The following ZNF106 variants were observed in gnomAD, a reference collection of about 807,000 sequenced individuals.
ZNF106 encodes zinc finger protein 106.
Under a neutral mutation model 195.1 loss-of-function variants are expected in ZNF106, and 67 were observed. That is an observed-to-expected ratio of 0.34 (90% CI 0.28 to 0.42). The LOEUF is 0.42. Ranked by LOEUF, ZNF106 falls within the 10% of genes least tolerant of loss-of-function variation. ZNF106 has a pLI of 1.00. For synonymous variants in ZNF106, 784 were observed against 818.6 expected (o/e 0.96, Z 0.72); for missense variants, 2,118 against 2,304.5 (o/e 0.92, Z 1.66).
intron 3 of ZNF106, among the ~76,000 whole-genome samples, chr15:42,462,077 A>G (rs550061581): frequency 1.4e-4 from 22 of 152,336 alleles, no homozygotes; most frequent in Admixed American, 9.8e-4. Context: ...CCTCTAAAGA[A>G]AATGAGTTTG....
intron 11 of ZNF106, 111 bp from the exon 12 acceptor site, chr15:42,438,778 G>T: frequency 2.0e-6 from 2 of 978,958 alleles, no homozygotes; most frequent in South Asian, 1.6e-5. Flanking sequence ...AAGTAGCAAT[G>T]ATATAAGAGA....
Position 42,439,499 on chromosome 15 carries a change from C to T in ZNF106, c.4078G>A (p.Ala1360Thr), listed in dbSNP as rs1307325286. 1 of 1,614,004 alleles carries T rather than the reference C, an allele frequency of 6.2e-7. No individual in the cohort carries two copies. The highest frequency in any genetic ancestry group is 2.2e-5 in the East Asian group (1 of 44,898). Residue 1360 changes from alanine to threonine, a missense_variant, in exon 11 of 22, where the codon GCA becomes ACA. Ala to Thr is a moderately conservative substitution (Grantham distance 58). Transcript: ENST00000564754. ...HSPADQPEQQ[A>T]ESTLTSAETR... ...TCAGCTGATGTCAAAGTGGATTCTG[C>T]CTGTTGTTCAGGCTGGTCAGCTGGA...
intron 1 of ZNF106, among the ~76,000 whole-genome samples, chr15:42,482,209 T>G (rs2056913212): frequency 6.6e-6 from 1 of 152,220 alleles, no homozygotes; most frequent in Non-Finnish European, 1.5e-5. Context: ...TATATCATTT[T>G]TATTTCCTTT....
Position 42,488,447 on chromosome 15 carries a change from G to GCA in ZNF106, c.-33+2531_-33+2532dup, listed in dbSNP as rs139085961. Among the ~76,000 whole-genome samples the GCA allele has an allele frequency of 2.1e-3, 314 of 150,854 alleles. 2 individuals carry two copies. Among genetic ancestry groups the GCA allele is most frequent in the East Asian group, 8.7e-3 (45 of 5,166 alleles). ...TTCAGATTAAAACATGCACAAACAT[G>GCA]CACACACACACACACACTCGACTGT... On this transcript the variant is annotated intron_variant, in intron 1 of 21. Transcript: ENST00000564754.
At chr15:42,476,048 T>C (rs538080704) in intron 1 of ZNF106, among the ~76,000 whole-genome samples, 66 of 152,344 alleles carry the variant, frequency 4.3e-4, no homozygotes, top group Middle Eastern at 3.4e-3. Flanking sequence ...AAATACTCTA[T>C]ATCAACCTTT....
In ZNF106 at chr15:42,448,404, G is replaced by T. The variant is rs370728901; in HGVS notation, c.2803C>A (p.Gln935Lys). The T allele has an allele frequency of 1.9e-6, 3 of 1,614,044 alleles. No homozygotes were observed. Among genetic ancestry groups the T allele is most frequent in the Non-Finnish European group, 2.5e-6 (3 of 1,180,028 alleles). Residue 935 changes from glutamine to lysine, a missense_variant, in exon 6 of 22, where the codon CAA becomes AAA. Transcript: ENST00000564754. Reference protein sequence around the residue: ...QSQKATMHLKQEVTPRAASLR... With the variant: ...QSQKATMHLKKEVTPRAASLR... ...GAGGCAGCCCGAGGTGTCACTTCTT[G>T]TTTGAGGTGCATGGTTGCTTTCTGG...
At chr15:42,469,418 A>G (rs2056612479) in intron 2 of ZNF106, among the ~76,000 whole-genome samples, 2 of 152,220 alleles carry the variant, frequency 1.3e-5, no homozygotes, top group African/African-American at 4.8e-5. Flanking sequence ...TAATAGTTTT[A>G]ATGTGACTTT....
At chr15:42,437,514 GACT>G in intron 12 of ZNF106, 137 bp from the exon 13 acceptor site, 1 of 994,370 alleles carries the variant, frequency 1.0e-6, no homozygotes, top group Non-Finnish European at 1.4e-6. Context: ...TCCCCTATCA[GACT>G]ACTACAATTT....
At chr15:42,481,482 C>G (rs979865857) in intron 1 of ZNF106, among the ~76,000 whole-genome samples, 7 of 151,670 alleles carry the variant, frequency 4.6e-5, no homozygotes, top group African/African-American at 1.7e-4. Flanking sequence ...TTCAGCCTCC[C>G]AAGTACCTGG....
chr15:42,454,318 T>G (rs1042305052), intron 4 of ZNF106, among the ~76,000 whole-genome samples: 16 of 151,810 alleles, frequency 1.1e-4, no homozygotes, highest in Non-Finnish European at 2.2e-4. Context: ...AGCAGAATTT[T>G]TTTATAACCA....
intron 2 of ZNF106, among the ~76,000 whole-genome samples, chr15:42,471,173 C>T (rs1269152774): frequency 6.6e-6 from 1 of 152,176 alleles, no homozygotes; most frequent in East Asian, 1.9e-4. Context: ...TGTTCTCCTA[C>T]CCAAAATATC....
At position 42,415,642 on chromosome 15, in the gene ZNF106, A is replaced by G. The variant is rs2054427512; in HGVS notation, c.*1662T>C. ...CTAACAGGGGCGAAGACAGACCTGG[A>G]TGGTCTGCAATCCCAGAGAGCATGA... is the stretch of plus-strand genomic sequence containing the variant. On this transcript the variant is annotated 3_prime_UTR_variant, in exon 22 of 22. Transcript: ENST00000564754. The G allele has an allele frequency of 3.3e-6, 1 of 305,830 alleles. No individual in the cohort carries two copies. Among genetic ancestry groups the G allele is most frequent in the Non-Finnish European group, 6.6e-6 (1 of 151,686 alleles). 18.9% of individuals were successfully genotyped at this position (305,830 alleles called of 1,614,324 possible). A position where few individuals can be genotyped will look rare whatever the true frequency, so the allele number is the denominator to read the frequency against.
intron 3 of ZNF106, 91 bp from the exon 4 acceptor site, chr15:42,457,249 G>A (rs779837525): frequency 1.9e-6 from 3 of 1,562,712 alleles, no homozygotes; most frequent in African/African-American, 2.7e-5. Context: ...GAAGGACACT[G>A]CACACTTTGG....
intron 3 of ZNF106, among the ~76,000 whole-genome samples, chr15:42,460,420 A>C (rs751369619): frequency 3.3e-5 from 5 of 152,226 alleles, no homozygotes; most frequent in Admixed American, 2.0e-4. Context: ...CAACCCCCAA[A>C]GCACAAACAT....
chr15:42,442,430 T>C lies in ZNF106; in HGVS notation c.3422-16A>G, dbSNP rs1229173216. On this transcript the variant is annotated splice_polypyrimidine_tract_variant and intron_variant, in intron 9 of 21. Transcript: ENST00000564754. ...TCATATGTTTCTAGAATGGGAAACA[T>C]ACATACATAGAAATGCAAAAATGTT... The C allele has an allele frequency of 6.3e-7, 1 of 1,579,010 alleles. No individual in the cohort carries two copies.
intron 1 of ZNF106, among the ~76,000 whole-genome samples, chr15:42,489,580 G>T (rs145777843): frequency 1.0e-3 from 152 of 152,242 alleles, no homozygotes; most frequent in African/African-American, 3.5e-3. Flanking sequence ...GGCATGGCGC[G>T]GTATTGGCAA....
At chr15:42,459,805 C>A (rs1446509058) in intron 3 of ZNF106, among the ~76,000 whole-genome samples, 1 of 152,004 alleles carries the variant, frequency 6.6e-6, no homozygotes, top group Admixed American at 6.6e-5. Flanking sequence ...CTTTGGGAGG[C>A]CGAGGTGGGT....
At chr15:42,430,316 GTTAT>G in intron 14 of ZNF106, among the ~76,000 whole-genome samples, 1 of 152,012 alleles carries the variant, frequency 6.6e-6, no homozygotes, top group East Asian at 1.9e-4. Flanking sequence ...ATTTTTTTCA[GTTAT>G]TTGTTATTTC....
chr15:42,457,022 C>G lies in ZNF106; in HGVS notation c.253G>C (p.Glu85Gln), dbSNP rs760129942. The G allele has an allele frequency of 4.3e-6, 7 of 1,609,712 alleles. No individual in the cohort carries two copies. The highest frequency in any genetic ancestry group is 3.4e-6 in the Non-Finnish European group (4 of 1,177,580). Residue 85 changes from glutamate to glutamine, a missense_variant, in exon 4 of 22, where the codon GAG becomes CAG. By Grantham distance (29) the Glu-to-Gln change is conservative (BLOSUM62 2). Coordinates refer to ENST00000564754, the MANE Select transcript of ZNF106 (RefSeq NM_001366845.3). The stretch of plus-strand genomic sequence containing the variant: ...TCCTTGTCAAAATAATCTTCTTCCT[C>G]TTCCTCTCCTTTTCCATCATCTTCT... ...EREDDGKGEE[E>Q]EEDYFDKELI... is the part of the protein sequence containing the mutation.
Sources: allele counts gnomAD v4.1 joint callset (sites outside exome capture counted in the v4.1 genomes callset), GRCh38; gene constraint gnomAD v4.1.1; transcripts MANE v1.5; gene names NCBI Gene and HGNC (gene_info 2026-07-23, HGNC 2026-07-21).